RASSF4: variants seen among roughly 807,000 people sequenced by gnomAD.
RASSF4 encodes ras association domain-containing protein 4.
A neutral mutation model predicts 41.1 loss-of-function variants in RASSF4; 38 were observed. The ratio of observed to expected loss-of-function variants is 0.92; its 90% CI spans 0.71 to 1.21. RASSF4 has a LOEUF of 1.21. RASSF4 is among the 50% of genes most tolerant of loss of function. The pLI, the probability that RASSF4 is intolerant of heterozygous loss-of-function variation, is 0.00. For missense variants in RASSF4, 414 were observed against 419.4 expected, an observed-to-expected ratio of 0.99 and a Z score of 0.11; for synonymous variants, 179 against 163.4, an observed-to-expected ratio of 1.10 and a Z score of -0.73.
At chr10:44,962,798 G>C (rs1195443483) in intron 1 of RASSF4, among the ~76,000 whole-genome samples, 1 of 152,236 alleles carries the variant, frequency 6.6e-6, no homozygotes, top group African/African-American at 2.4e-5. Context: ...TCCAGGAGCA[G>C]AGAATGTATG....
At chr10:44,983,183 A>G in intron 4 of RASSF4, 1 of 340,088 alleles carries the variant, frequency 2.9e-6, no homozygotes, top group Non-Finnish European at 5.8e-6. Flanking sequence ...TCCTCGGCCC[A>G]CTCCCAAAAG....
intron 3 of RASSF4, among the ~76,000 whole-genome samples, chr10:44,974,592 G>A (rs1441048015): frequency 6.7e-6 from 1 of 149,620 alleles, no homozygotes; most frequent in African/African-American, 2.5e-5. Context: ...CTCACCACCC[G>A]GGGCGCGCTC....
intron 8 of RASSF4, among the ~76,000 whole-genome samples, chr10:44,990,059 C>T (rs1842053355): frequency 6.6e-6 from 1 of 152,234 alleles, no homozygotes; most frequent in Non-Finnish European, 1.5e-5. Context: ...AAGCCTCCCT[C>T]TCCGCCTCTT....
chr10:44,991,060 C>G lies in RASSF4; in HGVS notation c.798C>G (p.Val266=). 11 of 1,613,146 alleles carry G rather than the reference C, an allele frequency of 6.8e-6. No individual in the cohort carries two copies. The highest frequency in any genetic ancestry group is 2.2e-5 in the East Asian group (1 of 44,848). Residue 266 remains valine, a synonymous_variant, in exon 9 of 11, where the codon GTC becomes GTG. Coordinates refer to ENST00000340258, the MANE Select transcript of RASSF4 (RefSeq NM_032023.4). ...FLMEADLGVE[V]PHEVAQYIKF... is the part of the protein sequence containing the mutation. Reference sequence around the variant, plus strand: ...TGGAAGCTGACTTGGGCGTGGAAGTCCCCCATGAAGTGAGTGGGGGCCAAG... The same window carrying G: ...TGGAAGCTGACTTGGGCGTGGAAGTGCCCCATGAAGTGAGTGGGGGCCAAG...
intron 9 of RASSF4, among the ~76,000 whole-genome samples, chr10:44,991,601 C>T (rs1004441548): frequency 6.6e-6 from 1 of 152,202 alleles, no homozygotes; most frequent in Non-Finnish European, 1.5e-5. Flanking sequence ...AATGGTGCTC[C>T]CACCTCCCTA....
chr10:44,984,874 C>T lies in RASSF4; in HGVS notation c.435C>T (p.Cys145=), dbSNP rs956538984. The T allele has an allele frequency of 1.9e-6, 3 of 1,613,652 alleles. No homozygotes were observed. The highest frequency in any genetic ancestry group is 8.5e-7 in the Non-Finnish European group (1 of 1,180,008). ...QLMRTKSDAS[C]MSQRRPKCRA... ...TGCGGACCAAGAGCGACGCCAGTTG[C>T]ATGAGCCAGAGGAGGCCCAAGTGCC... The change falls in exon 6 of 11, where the codon TGC becomes TGT. Residue 145 remains cysteine (C), a synonymous_variant. Transcript: ENST00000340258.
chr10:44,989,867 C>G (rs1481705898), intron 8 of RASSF4, 146 bp downstream of exon 8: 3 of 716,528 alleles, frequency 4.2e-6, no homozygotes, highest in Non-Finnish European at 7.6e-6. Context: ...ACTGTGCCTC[C>G]CAGCATGAAC....
At chr10:44,992,046 G>GAC in intron 10 of RASSF4, 44 bp downstream of exon 10, 2 of 1,326,480 alleles carry the variant, frequency 1.5e-6, no homozygotes, top group Non-Finnish European at 2.2e-6. Flanking sequence ...TGAACATCAG[G>GAC]GCAGGTCTGC....
At chr10:44,965,880 A>G (rs1242183573) in intron 1 of RASSF4, among the ~76,000 whole-genome samples, 1 of 152,136 alleles carries the variant, frequency 6.6e-6, no homozygotes, top group African/African-American at 2.4e-5. Flanking sequence ...AGCTGGTGCC[A>G]TTCAGTCATG....
chr10:44,968,453 G>A (rs1212887983), intron 1 of RASSF4, among the ~76,000 whole-genome samples: 1 of 152,182 alleles, frequency 6.6e-6, no homozygotes, highest in Non-Finnish European at 1.5e-5. Context: ...CTGGAGCAAG[G>A]CAGAGGGGAG....
intron 9 of RASSF4, among the ~76,000 whole-genome samples, chr10:44,991,616 CT>C (rs1476034593): frequency 2.6e-5 from 4 of 152,204 alleles, no homozygotes; most frequent in Non-Finnish European, 1.5e-5. Flanking sequence ...TCCCTACCCC[CT>C]AGCCCAGAGG....
At chr10:44,979,298 GGT>G (rs1180568381) in intron 3 of RASSF4, among the ~76,000 whole-genome samples, 1 of 152,194 alleles carries the variant, frequency 6.6e-6, no homozygotes, top group East Asian at 1.9e-4. Flanking sequence ...GTCTGACCCT[GGT>G]CTTCTTACAC....
intron 1 of RASSF4, among the ~76,000 whole-genome samples, chr10:44,962,575 C>T (rs1019090982): frequency 1.3e-5 from 2 of 152,234 alleles, no homozygotes; most frequent in African/African-American, 4.8e-5. Context: ...AGAGAGCCTC[C>T]AGAGCAGCCC....
chr10:44,971,745 G>T, intron 2 of RASSF4, 28 bp from the exon 3 acceptor site: 1 of 1,579,020 alleles, frequency 6.3e-7, no homozygotes, highest in Non-Finnish European at 8.7e-7. Context: ...CACACCCTAG[G>T]AGTACATGTG....
chr10:44,985,171 G>T (rs1343846530), intron 6 of RASSF4, among the ~76,000 whole-genome samples: 1 of 152,234 alleles, frequency 6.6e-6, no homozygotes, highest in Non-Finnish European at 1.5e-5. Flanking sequence ...ATCCTCACAA[G>T]TCACACAGAA....
At chr10:44,989,917 T>C (rs1346424226) in intron 8 of RASSF4, among the ~76,000 whole-genome samples, 196 bp downstream of exon 8, 1 of 152,238 alleles carries the variant, frequency 6.6e-6, no homozygotes, top group Non-Finnish European at 1.5e-5. Flanking sequence ...TATGGAAGCC[T>C]TGAGGAAAAG....
At chr10:44,986,179 A>G (rs898434511) in intron 6 of RASSF4, among the ~76,000 whole-genome samples, 2 of 152,156 alleles carry the variant, frequency 1.3e-5, no homozygotes, top group South Asian at 4.1e-4. Flanking sequence ...GTTCCTTACC[A>G]AAAAAAGGGT....
At chr10:44,976,822 G>A (rs1841448491) in intron 3 of RASSF4, 1 of 152,518 alleles carries the variant, frequency 6.6e-6, no homozygotes. Context: ...GAGTGCCCCA[G>A]TGGTGCCAGG....
At chr10:44,973,744 G>A (rs1162902232) in intron 3 of RASSF4, among the ~76,000 whole-genome samples, 3 of 152,214 alleles carry the variant, frequency 2.0e-5, no homozygotes, top group Admixed American at 2.0e-4. Context: ...GGGGGCAGGG[G>A]CGCGGGAGCG....
Sources: gnomAD v4.1 joint callset for allele counts (sites outside exome capture counted in the v4.1 genomes callset) on GRCh38, gnomAD v4.1.1 for gene constraint, MANE v1.5 for transcripts, NCBI Gene and HGNC (gene_info 2026-07-23, HGNC 2026-07-21) for gene names.